Variants in MBTPS2 observed in about 807,000 individuals in gnomAD.
MBTPS2 encodes the protein membrane bound transcription factor peptidase, site 2, also known as membrane-bound transcription factor site-2 protease.
Under a neutral mutation model 35.4 loss-of-function variants are expected in MBTPS2, and 2 were observed. That is an observed-to-expected ratio of 0.06 (90% confidence interval 0.02 to 0.18). The LOEUF is 0.18. MBTPS2 is among the 10% of genes least tolerant of loss of function. The probability of loss-of-function intolerance (pLI) is 1.00; values close to 1 mark genes in which losing one functional copy is unlikely to be tolerated. For missense variants in MBTPS2, 244 were observed against 386.5 expected (o/e 0.63, Z 3.09); for synonymous variants, 125 against 140.4 (o/e 0.89, Z 0.77).
rs989243143 is a variant in MBTPS2, at chrX:21,857,106, C to T, written c.670+3603C>T. 14 of 1,209,793 alleles carry T rather than the reference C, an allele frequency of 1.2e-5. No homozygotes were observed. Among genetic ancestry groups the T allele is most frequent in the African/African-American group, 3.5e-5 (2 of 57,070 alleles). ...GGGTGAAGGCCAGGCTGAAAACCCA[C>T]CTGATTATTCCGAGTACTTGAAAGG... is the stretch of plus-strand genomic sequence containing the variant. On this transcript the variant is annotated intron_variant, in intron 5 of 10. Transcript: ENST00000379484.
At chrX:21,860,898 T>C (rs1303655179) in intron 5 of MBTPS2, among the ~76,000 whole-genome samples, 3 of 112,264 alleles carry the variant, frequency 2.7e-5, no homozygotes, top group Non-Finnish European at 5.6e-5. Context: ...ATATCTTTTA[T>C]AATCTTGAGG....
chrX:21,873,786 A>G (rs1203602575), intron 7 of MBTPS2, among the ~76,000 whole-genome samples: 4 of 110,599 alleles, frequency 3.6e-5, no homozygotes, highest in Non-Finnish European at 7.6e-5. Flanking sequence ...TTAAGATAAT[A>G]AAAGGAAAAC....
intron 5 of MBTPS2, among the ~76,000 whole-genome samples, chrX:21,864,931 A>C (rs1282332470): frequency 4.0e-5 from 4 of 101,036 alleles, no homozygotes; most frequent in Non-Finnish European, 8.0e-5. Flanking sequence ...CCCAGGCTGA[A>C]GGGCAGTGGT....
intron 7 of MBTPS2, chrX:21,869,901 A>G: frequency 2.7e-6 from 1 of 371,569 alleles, no homozygotes; most frequent in South Asian, 4.3e-5. Flanking sequence ...TCATTATATC[A>G]TATTTAACTT....
At chrX:21,843,139 G>T (rs1418060462) in intron 1 of MBTPS2, 31 bp from the exon 2 acceptor site, 4 of 1,136,459 alleles carry the variant, frequency 3.5e-6, no homozygotes, top group Non-Finnish European at 4.8e-6. Context: ...CTTCAAAATT[G>T]AGTGATGTAG....
chrX:21,856,265 T>A (rs919827394), intron 5 of MBTPS2: 4 of 416,324 alleles, frequency 9.6e-6, no homozygotes, highest in Non-Finnish European at 1.2e-5. Flanking sequence ...TTCCGGCTCG[T>A]GCTTTCCTCA....
At chrX:21,844,813 G>A (rs759597772) in intron 2 of MBTPS2, among the ~76,000 whole-genome samples, 5 of 112,205 alleles carry the variant, frequency 4.5e-5, no homozygotes, top group African/African-American at 1.6e-4. Context: ...GCAGACAATA[G>A]AAGAGGTAGA....
In MBTPS2 at chrX:21,883,662, A is replaced by G; in HGVS notation, c.*1007A>G. 1.3e-6 allele frequency: 1 copy of G among 754,019 alleles called. No individual in the cohort carries two copies. The highest frequency in any genetic ancestry group is 8.6e-5 in the Admixed American group (1 of 11,579). The allele number at this position is 754,019 out of a possible 1,213,427, so 62.1% of individuals were successfully genotyped here. On this transcript the variant is annotated 3_prime_UTR_variant, in exon 11 of 11. Transcript: ENST00000379484. ...TACTCTGTCCTCACCAGCGGCTCCC[A>G]TGTTTTTCTGTGTCAGGTTATTAAG...
chrX:21,882,384 T>C (rs770211953), intron 10 of MBTPS2, 49 bp from the exon 11 acceptor site: 2 of 942,959 alleles, frequency 2.1e-6, no homozygotes, highest in East Asian at 6.1e-5. Flanking sequence ...AGAAATATGG[T>C]TTCTACTCAG....
intron 5 of MBTPS2, 92 bp from the exon 6 acceptor site, chrX:21,868,375 A>T (rs1179827030): frequency 1.7e-6 from 1 of 600,408 alleles, no homozygotes; most frequent in East Asian, 3.3e-5. Flanking sequence ...CACTTTATTA[A>T]TTTATCAGAA....
At chrX:21,852,026 C>T (rs2092915323) in intron 4 of MBTPS2, among the ~76,000 whole-genome samples, 1 of 112,008 alleles carries the variant, frequency 8.9e-6, no homozygotes, top group Non-Finnish European at 1.9e-5. Flanking sequence ...CTGCTTATGT[C>T]CTCTGCTGGC....
intron 5 of MBTPS2, among the ~76,000 whole-genome samples, chrX:21,865,990 A>G (rs778654087): frequency 8.1e-5 from 9 of 110,873 alleles, no homozygotes; most frequent in Non-Finnish European, 1.7e-4. Context: ...TGTTTCTTTG[A>G]GACAGAGTAT....
intron 7 of MBTPS2, 53 bp from the exon 8 acceptor site, chrX:21,877,989 T>C: frequency 2.4e-6 from 2 of 824,779 alleles, no homozygotes; most frequent in Non-Finnish European, 3.6e-6. Flanking sequence ...CATTTTTTGT[T>C]ACAAATGTAT....
In MBTPS2 at chrX:21,839,787, A is replaced by G; in HGVS notation, c.53A>G (p.Tyr18Cys). 4 of 1,195,580 alleles carry G rather than the reference A, an allele frequency of 3.3e-6. No individual in the cohort carries two copies. The highest frequency in any genetic ancestry group is 1.8e-5 in the South Asian group (1 of 54,651). Residue 18 changes from tyrosine to cysteine, a missense_variant, in exon 1 of 11, where the codon TAC (tyrosine) becomes TGC (cysteine). By Grantham distance (194) the Tyr-to-Cys change is radical. Transcript: ENST00000379484. Reference protein sequence around the residue: ...VVVVGGWTVVYLTDLVLKSSV... With the variant: ...VVVVGGWTVVCLTDLVLKSSV... Reference sequence around the variant, plus strand: ...GTGGTGGGTGGCTGGACTGTCGTCTACCTGACCGACTTGGTGCTGAAGGTG... The same window carrying G: ...GTGGTGGGTGGCTGGACTGTCGTCTGCCTGACCGACTTGGTGCTGAAGGTG...
intron 5 of MBTPS2, among the ~76,000 whole-genome samples, chrX:21,859,306 A>G (rs6528058): frequency 0.33 from 30,371 of 90,822 alleles, 5,782 homozygotes; most frequent in East Asian, 0.49. Flanking sequence ...GAACAATTAT[A>G]TGCATACGTG....
chrX:21,853,600 T>G, intron 5 of MBTPS2, 97 bp downstream of exon 5: 1 of 865,661 alleles, frequency 1.2e-6, no homozygotes, highest in East Asian at 3.2e-5. Context: ...AATGACAATA[T>G]CTTATCTTTT....
intron 5 of MBTPS2, chrX:21,857,254 C>A: frequency 8.3e-7 from 1 of 1,211,672 alleles, no homozygotes; most frequent in Non-Finnish European, 1.1e-6. Context: ...GTCCCTTGCT[C>A]TTATAGCGGC....
chrX:21,856,569 C>T (rs761469075), intron 5 of MBTPS2: 2 of 1,211,963 alleles, frequency 1.7e-6, no homozygotes, highest in South Asian at 3.5e-5. Flanking sequence ...CAATGTGGAG[C>T]CCCTTCCTAT....
chrX:21,857,154 T>A, intron 5 of MBTPS2: 1 of 1,211,306 alleles, frequency 8.3e-7, no homozygotes, highest in Non-Finnish European at 1.1e-6. Context: ...TCCTGGGGGG[T>A]TACCAGGCAT....
Sources: allele counts gnomAD v4.1 joint callset (sites outside exome capture counted in the v4.1 genomes callset), GRCh38; gene constraint gnomAD v4.1.1; transcripts MANE v1.5; gene names NCBI Gene and HGNC (gene_info 2026-07-23, HGNC 2026-07-21).